DPP9: variants seen among roughly 807,000 people sequenced by gnomAD.
DPP9 encodes dipeptidyl peptidase IV-related protein-2.
In DPP9, 50 loss-of-function variants were observed where a neutral mutation model predicts 110.7. The ratio of observed to expected loss-of-function variants is 0.45; its 90% CI spans 0.36 to 0.57. The LOEUF (loss-of-function observed/expected upper bound fraction) is 0.57, where lower values mean the gene tolerates loss of function less well. Ranked by LOEUF, DPP9 falls within the 20% of genes least tolerant of loss-of-function variation. DPP9 has a pLI of 0.00. For synonymous variants in DPP9, 561 were observed against 514.4 expected (o/e 1.09, Z -1.23); for missense variants, 1,022 against 1,217.9 (o/e 0.84, Z 2.39).
intron 1 of DPP9, among the ~76,000 whole-genome samples, chr19:4,723,193 G>C (rs1568340473): frequency 1.3e-5 from 2 of 152,264 alleles, no homozygotes; most frequent in Non-Finnish European, 2.9e-5. Context: ...GCGAAGGTTG[G>C]AGGAAGTGGT....
At chr19:4,681,031 CA>C (rs2089794694) in intron 20 of DPP9, among the ~76,000 whole-genome samples, 1 of 152,178 alleles carries the variant, frequency 6.6e-6, no homozygotes, top group Non-Finnish European at 1.5e-5. Flanking sequence ...CTGGTGAGGC[CA>C]ACACGCAGCC....
At chr19:4,686,290 C>T (rs1483829142) in intron 16 of DPP9, among the ~76,000 whole-genome samples, 2 of 150,812 alleles carry the variant, frequency 1.3e-5, no homozygotes, top group Non-Finnish European at 3.0e-5. Context: ...GGGGTTTCAC[C>T]ATGTTGGCCA....
At chr19:4,701,121 A>G (rs1285376131) in intron 9 of DPP9, among the ~76,000 whole-genome samples, 1 of 152,160 alleles carries the variant, frequency 6.6e-6, no homozygotes, top group Non-Finnish European at 1.5e-5. Context: ...TCTGGGCTGC[A>G]CGTGTGTTCT....
intron 4 of DPP9, among the ~76,000 whole-genome samples, chr19:4,709,020 C>T (rs543863736): frequency 2.6e-4 from 39 of 152,298 alleles, no homozygotes; most frequent in African/African-American, 6.7e-4. Context: ...TGGGTTCATG[C>T]GACTCTCCTG....
In DPP9 at chr19:4,676,717, T is replaced by G. The variant is rs1250313197; in HGVS notation, c.2587-61A>C. On this transcript the variant is annotated intron_variant, in intron 21 of 21. Coordinates refer to ENST00000262960, the MANE Select transcript of DPP9 (RefSeq NM_139159.5). The surrounding 1 kb of genome is among the most constrained non-coding windows in gnomAD (Gnocchi z 4.0). ...GCCGGACCACCCCCGTGTCCTAGGC[T>G]CCTCCCTTATTCTGGCTCAGGGCAT... 3.5e-6 allele frequency: 5 copies of G among 1,409,108 alleles called. No individual in the cohort carries two copies. The East Asian group carries it at 1.2e-4, about 35-fold the overall frequency. The allele number at this position is 1,409,108 out of a possible 1,614,324, so 87.3% of individuals were successfully genotyped here.
chr19:4,700,718 G>GT lies in DPP9; in HGVS notation c.1013-442dup, dbSNP rs1259687931. On this transcript the variant is annotated intron_variant, in intron 9 of 21. Transcript: ENST00000262960. The surrounding 1 kb of genome is among the most constrained non-coding windows in gnomAD (Gnocchi z 4.3). ...TCCCATGCAAAACCAGGGAGCCCGT[G>GT]TGACAGCCAGACCTGCGCCCTCCGG... is the stretch of plus-strand genomic sequence containing the variant. Among the ~76,000 whole-genome samples, 1 of 152,214 alleles carries GT rather than the reference G, an allele frequency of 6.6e-6. No homozygotes were observed. Among genetic ancestry groups the GT allele is most frequent in the Non-Finnish European group, 1.5e-5 (1 of 68,034 alleles).
In DPP9 at chr19:4,694,635, G is replaced by C; in HGVS notation, c.1516+26C>G. The C allele has an allele frequency of 6.2e-7, 1 of 1,602,568 alleles. No homozygotes were observed. The highest frequency in any genetic ancestry group is 8.5e-7 in the Non-Finnish European group (1 of 1,174,254). On this transcript the variant is annotated intron_variant, in intron 13 of 21. Transcript: ENST00000262960. The surrounding 1 kb of genome is among the most constrained non-coding windows in gnomAD (Gnocchi z 4.0). ...CCACACGTGACTAACGCGATGAGTC[G>C]ACAGCATTCGTCAGGCTCTGCTCAC...
Position 4,690,864 on chromosome 19 carries a change from G to A in DPP9, c.1596+14C>T. ...TGCATGGAGCAGGGGAAGGCTGCAA[G>A]GAGACCCTGGTACCTTGGAGCCGTG... is the stretch of plus-strand genomic sequence containing the variant. On this transcript the variant is annotated intron_variant, in intron 14 of 21. Coordinates refer to ENST00000262960, the MANE Select transcript of DPP9 (RefSeq NM_139159.5). The A allele has an allele frequency of 6.2e-7, 1 of 1,608,772 alleles. No individual in the cohort carries two copies. The highest frequency in any genetic ancestry group is 2.2e-5 in the East Asian group (1 of 44,804).
chr19:4,713,884 G>A (rs984184273), intron 4 of DPP9, among the ~76,000 whole-genome samples, 197 bp downstream of exon 4: 20 of 152,036 alleles, frequency 1.3e-4, no homozygotes, highest in Non-Finnish European at 2.9e-4. Flanking sequence ...CCCTCCGGGG[G>A]CCGCCCCACC....
At chr19:4,699,704 T>G in intron 10 of DPP9, among the ~76,000 whole-genome samples, 1 of 149,894 alleles carries the variant, frequency 6.7e-6, no homozygotes, top group East Asian at 2.0e-4. Context: ...TCTGAGGAGG[T>G]CGGGGGGATG....
chr19:4,688,467 G>T (rs942985021), intron 16 of DPP9: 3 of 357,950 alleles, frequency 8.4e-6, no homozygotes, highest in Admixed American at 4.7e-5. Context: ...GACAGGGTCT[G>T]TGTCTCACTG....
intron 4 of DPP9, among the ~76,000 whole-genome samples, chr19:4,706,421 C>T (rs2145792696): frequency 6.6e-6 from 1 of 152,012 alleles, no homozygotes; most frequent in Non-Finnish European, 1.5e-5. Context: ...AACAAACATC[C>T]AACTCTCAAC....
In DPP9 at chr19:4,704,253, G is replaced by A. The variant is rs745637814; in HGVS notation, c.478C>T (p.Arg160Trp). The part of the protein sequence containing the change: ...YSREEELLRE[R>W]KRLGVFGITS... Reference sequence around the variant, plus strand: ...ATGCCGAAGACCCCCAGGCGTTTCCGCTCCCTCAGCAGCTCCTCCTCCCGA... The same window carrying A: ...ATGCCGAAGACCCCCAGGCGTTTCCACTCCCTCAGCAGCTCCTCCTCCCGA... The change falls in exon 6 of 22, where the codon CGG becomes TGG. Residue 160 changes from arginine to tryptophan, a missense_variant. Around this residue, in one of 3 missense-constraint regions of DPP9, gnomAD observed 810 missense variants for 920.6 expected, o/e 0.88. Transcript: ENST00000262960. This position sits in a 1 kb window ranked among gnomAD's most constrained non-coding sequence, Gnocchi z 6.0. 1.2e-6 allele frequency: 2 copies of A among 1,613,806 alleles called. No individual in the cohort carries two copies. Among genetic ancestry groups the A allele is most frequent in the Non-Finnish European group, 8.5e-7 (1 of 1,179,888 alleles).
In DPP9 at chr19:4,675,773, ATTTTT is replaced by A. The variant is rs1485390382; in HGVS notation, c.*786_*790del. The A allele has an allele frequency of 2.0e-5, 3 of 152,156 alleles. No homozygotes were observed. Among genetic ancestry groups the A allele is most frequent in the African/African-American group, 7.2e-5 (3 of 41,406 alleles). 9.4% of individuals were successfully genotyped at this position (152,156 alleles called of 1,614,324 possible). Reference sequence around the variant, plus strand: ...AGGCACCCCTTGCTTTCTGTCTTTTATTTTTTATTTATTTTGAGACAGAGTTTCGC... The same window carrying A: ...AGGCACCCCTTGCTTTCTGTCTTTTATATTTATTTTGAGACAGAGTTTCGC... On this transcript the variant is annotated 3_prime_UTR_variant, in exon 22 of 22. Transcript: ENST00000262960.
chr19:4,694,468 A>T lies in DPP9; in HGVS notation c.1516+193T>A. ...TGCTCAGTAAATCTGCTGCCTGAAT[A>T]AGCCAACAGTTGGGTGCTCTAAGCC... On this transcript the variant is annotated intron_variant, in intron 13 of 21. Transcript: ENST00000262960. This position sits in a 1 kb window ranked among gnomAD's most constrained non-coding sequence, Gnocchi z 4.0. The T allele has an allele frequency of 1.4e-6, 1 of 698,814 alleles. No individual in the cohort carries two copies. The highest frequency in any genetic ancestry group is 2.3e-6 in the Non-Finnish European group (1 of 430,178). 43.3% of individuals were successfully genotyped at this position (698,814 alleles called of 1,614,324 possible).
intron 7 of DPP9, among the ~76,000 whole-genome samples, chr19:4,703,681 A>G (rs1434003645): frequency 3.3e-5 from 5 of 150,984 alleles, no homozygotes; most frequent in Non-Finnish European, 1.5e-5. Context: ...AAAAAAAAAA[A>G]AAAGAAAGAA....
chr19:4,708,247 T>G (rs537787459), intron 4 of DPP9, among the ~76,000 whole-genome samples: 1 of 152,280 alleles, frequency 6.6e-6, no homozygotes, highest in African/African-American at 2.4e-5. Flanking sequence ...CCTGACCCCC[T>G]TGCCGAGGAC....
chr19:4,683,501 T>G lies in DPP9; in HGVS notation c.2307A>C (p.Leu769=). The G allele has an allele frequency of 6.2e-7, 1 of 1,613,136 alleles. No homozygotes were observed. Among genetic ancestry groups the G allele is most frequent in the Non-Finnish European group, 8.5e-7 (1 of 1,179,848 alleles). The change falls in exon 19 of 22, where the codon CTA becomes CTC. Residue 769 remains leucine (L), a synonymous_variant. Coordinates refer to ENST00000262960, the MANE Select transcript of DPP9 (RefSeq NM_139159.5). ...SYGGFLSLMG[L]IHKPQVFKVA... ...CCTTGAACACCTGGGGCTTGTGGAT[T>G]AGCCCCATGAGCGAGAGGAAGCCCC...
rs1568304820 is a variant in DPP9 at position 4,685,502 on chromosome 19, G to A, written c.2031+124C>T. On this transcript the variant is annotated intron_variant, in intron 17 of 21. Coordinates refer to ENST00000262960, the MANE Select transcript of DPP9 (RefSeq NM_139159.5). The surrounding 1 kb of genome is among the most constrained non-coding windows in gnomAD (Gnocchi z 5.8). ...AGTCAGGGCAGGCGGGGTGGGCTGG[G>A]GCACCAGGCAGGTAGCCGGGGAGCC... 4.5e-6 allele frequency: 5 copies of A among 1,123,424 alleles called. No homozygotes were observed. The highest frequency in any genetic ancestry group is 6.4e-6 in the Non-Finnish European group (5 of 784,342). The allele number at this position is 1,123,424 out of a possible 1,614,324, so 69.6% of individuals were successfully genotyped here.
Sources: allele counts gnomAD v4.1 joint callset (sites outside exome capture counted in the v4.1 genomes callset), GRCh38; gene constraint gnomAD v4.1.1; regional missense constraint gnomAD v4.1.1; non-coding constraint Gnocchi (gnomAD v3.1); transcripts MANE v1.5; gene names NCBI Gene and HGNC (gene_info 2026-07-23, HGNC 2026-07-21).